DYNC2I1: variants seen among roughly 807,000 people sequenced by gnomAD.
DYNC2I1 encodes cytoplasmic dynein 2 intermediate chain 1.
A neutral mutation model predicts 133.4 loss-of-function variants in DYNC2I1; 89 were observed. The observed-to-expected ratio is 0.67, with a 90% CI of 0.56 to 0.80. DYNC2I1 has a LOEUF of 0.80. Ranked by LOEUF, DYNC2I1 falls within the 30% of genes least tolerant of loss-of-function variation. The pLI is 0.00. For synonymous variants in DYNC2I1, 504 were observed against 484.3 expected (o/e 1.04, Z -0.54); for missense variants, 1,291 against 1,314.5 (o/e 0.98, Z 0.28).
rs1846352753 is a variant in DYNC2I1, at chr7:158,902,520, G to A, written c.1282G>A (p.Glu428Lys). ...TCAAAGAGCTATTAATGCAGAAAAT[G>A]AAAGGATTGGCGAGTTATCTTTGAA... ...EIQRAINAEN[E>K]RIGELSLKLF... The change falls in exon 10 of 25, where the codon GAA becomes AAA. Residue 428 changes from glutamate to lysine, a missense_variant. Coordinates refer to ENST00000407559, the MANE Select transcript of DYNC2I1 (RefSeq NM_018051.5). The A allele has an allele frequency of 6.2e-7, 1 of 1,614,056 alleles. No individual in the cohort carries two copies. The highest frequency in any genetic ancestry group is 8.5e-7 in the Non-Finnish European group (1 of 1,179,900).
Position 158,930,459 on chromosome 7 carries a change from G to T in DYNC2I1, c.2490G>T (p.Leu830=). ...DIAGSISDLG[L]MPGGRVKLVH... ...TTTTGGTTCATCTCTTTTTAGGTCT[G>T]ATGCCTGGAGGGAGGGTCAAGCTGG... Residue 830 remains leucine, a synonymous_variant, in exon 21 of 25, where the codon CTG becomes CTT. Transcript: ENST00000407559. 1 of 1,612,304 alleles carries T rather than the reference G, an allele frequency of 6.2e-7. No individual in the cohort carries two copies.
intron 12 of DYNC2I1, 36 bp downstream of exon 12, chr7:158,911,715 C>G: frequency 6.3e-7 from 1 of 1,578,234 alleles, no homozygotes; most frequent in Non-Finnish European, 8.6e-7. Flanking sequence ...TGATAAAATG[C>G]AAGTAAAGTC....
At chr7:158,870,878 T>C (rs939167556) in intron 2 of DYNC2I1, among the ~76,000 whole-genome samples, 2 of 152,142 alleles carry the variant, frequency 1.3e-5, no homozygotes, top group African/African-American at 4.8e-5. Context: ...AGATTTGATT[T>C]GCCGATCAGT....
chr7:158,905,146 T>C (rs934500344), intron 10 of DYNC2I1: 21 of 403,208 alleles, frequency 5.2e-5, no homozygotes, highest in Admixed American at 1.2e-4. Flanking sequence ...TTTTCTTTTT[T>C]TTTTTTTTTT....
At chr7:158,839,569 C>T in the DYNC2I1 span, among the ~76,000 whole-genome samples, 1 of 152,146 alleles carries the variant, frequency 6.6e-6, no homozygotes, top group Non-Finnish European at 1.5e-5. Flanking sequence ...CCTGTAATCC[C>T]AGCACTTTGG....
At chr7:158,894,112 T>TGCATATCCTACCACATATCATACC (rs1845523633) in intron 8 of DYNC2I1, among the ~76,000 whole-genome samples, 3 of 48,684 alleles carry the variant, frequency 6.2e-5, no homozygotes, top group East Asian at 6.6e-4. Flanking sequence ...CATATCCTAC[T>TGCATATCCTACCACATATCATACC]GCATATCCTA....
At chr7:158,853,160 G>C (rs1841093265), upstream of DYNC2I1, among the ~76,000 whole-genome samples, 1 of 152,174 alleles carries the variant, frequency 6.6e-6, no homozygotes, top group Non-Finnish European at 1.5e-5. Context: ...AAAGCTTGGT[G>C]GCCACTGGTG....
At chr7:158,927,430 A>G (rs529604420) in intron 20 of DYNC2I1, among the ~76,000 whole-genome samples, 2 of 152,188 alleles carry the variant, frequency 1.3e-5, no homozygotes, top group African/African-American at 4.8e-5. Flanking sequence ...AAAGATACCA[A>G]TAACTGCTTT....
chr7:158,921,130 C>G (rs934892983), intron 15 of DYNC2I1, among the ~76,000 whole-genome samples: 5 of 152,144 alleles, frequency 3.3e-5, no homozygotes, highest in African/African-American at 7.2e-5. Context: ...AACACACAGT[C>G]TATCAGAGAG....
At position 158,925,620 on chromosome 7, in the gene DYNC2I1, T is replaced by C. The variant is rs187078468; in HGVS notation, c.2258-567T>C. Among the ~76,000 whole-genome samples the C allele has an allele frequency of 7.9e-5, 12 of 152,340 alleles. 1 individual carries two copies. The highest frequency in any genetic ancestry group is 7.8e-4 in the Admixed American group (12 of 15,304). ...GGTCAGTGAGCTTTGCTTTATTGAT[T>C]GGCGACAGGTATCTTTTCAGTGGGC... On this transcript the variant is annotated intron_variant, in intron 17 of 24. Coordinates refer to ENST00000407559, the MANE Select transcript of DYNC2I1 (RefSeq NM_018051.5).
intron 8 of DYNC2I1, among the ~76,000 whole-genome samples, chr7:158,900,013 A>T (rs1307850690): frequency 6.6e-6 from 1 of 151,840 alleles, no homozygotes; most frequent in Non-Finnish European, 1.5e-5. Flanking sequence ...TTTATAGAGT[A>T]TATGTGTAAT....
At chr7:158,953,901 C>T (rs1286523597) in intron 4 of DYNC2I1, among the ~76,000 whole-genome samples, 1 of 152,018 alleles carries the variant, frequency 6.6e-6, no homozygotes, top group Non-Finnish European at 1.5e-5. Flanking sequence ...CATATACATA[C>T]AAGCATACGT....
intron 16 of DYNC2I1, among the ~76,000 whole-genome samples, chr7:158,923,239 G>A (rs545471572): frequency 1.3e-4 from 20 of 152,294 alleles, no homozygotes; most frequent in East Asian, 7.7e-4. Context: ...ATAAAATGGC[G>A]CAGGATGGAA....
intron 23 of DYNC2I1, among the ~76,000 whole-genome samples, chr7:158,939,717 T>C (rs1851135587): frequency 6.6e-6 from 1 of 152,074 alleles, no homozygotes. Context: ...TGTAGGCTGC[T>C]CTCAAGAAAT....
chr7:158,931,363 T>C (rs2129487602), intron 21 of DYNC2I1, among the ~76,000 whole-genome samples: 1 of 152,332 alleles, frequency 6.6e-6, no homozygotes, highest in Middle Eastern at 3.4e-3. Context: ...GTTAATGAAT[T>C]CATGCATGCT....
chr7:158,893,025 T>C (rs763422104), intron 8 of DYNC2I1, among the ~76,000 whole-genome samples: 1 of 152,026 alleles, frequency 6.6e-6, no homozygotes, highest in Non-Finnish European at 1.5e-5. Context: ...TCCCCTATTA[T>C]CAATGTACCC....
Position 158,911,578 on chromosome 7 carries a change from A to T in DYNC2I1, c.1489A>T (p.Ile497Phe). Reference sequence around the variant, plus strand: ...GCGAAGTACAAAACTGCTTCGGCTCATTGACTTAGATTTTTCATTTACTTT... The same window carrying T: ...GCGAAGTACAAAACTGCTTCGGCTCTTTGACTTAGATTTTTCATTTACTTT... ...KMRSTKLLRL[I>F]DLDFSFTFSL... Residue 497 changes from isoleucine to phenylalanine, a missense_variant, in exon 12 of 25, where the codon ATT becomes TTT. Ile to Phe is a conservative substitution (Grantham distance 21). Coordinates refer to ENST00000407559, the MANE Select transcript of DYNC2I1 (RefSeq NM_018051.5). 6.2e-7 allele frequency: 1 copy of T among 1,613,662 alleles called. No homozygotes were observed.
At chr7:158,882,541 T>C (rs111843720) in intron 5 of DYNC2I1, among the ~76,000 whole-genome samples, 9,511 of 151,942 alleles carry the variant, frequency 0.063, 393 homozygotes, top group African/African-American at 0.11. Flanking sequence ...TGTGATCATA[T>C]CACTGCAGTC....
intron 10 of DYNC2I1, 85 bp from the exon 11 acceptor site, chr7:158,905,904 C>T (rs1391518611): frequency 1.1e-6 from 1 of 952,110 alleles, no homozygotes; most frequent in Non-Finnish European, 1.6e-6. Flanking sequence ...GTTATATATG[C>T]CTATAATTGT....
Sources: gnomAD v4.1 joint callset for allele counts (sites outside exome capture counted in the v4.1 genomes callset) on GRCh38, gnomAD v4.1.1 for gene constraint, MANE v1.5 for transcripts, NCBI Gene and HGNC (gene_info 2026-07-23, HGNC 2026-07-21) for gene names.